Variants in CDH11 observed in about 807,000 individuals in gnomAD.
CDH11 encodes the protein cadherin 11.
In CDH11, 11 loss-of-function variants were observed where a neutral mutation model predicts 67.8. The observed-to-expected ratio is 0.16, with a 90% CI of 0.10 to 0.27. CDH11 has a LOEUF of 0.27. CDH11 is among the 10% of genes least tolerant of loss of function. The pLI is 1.00. For missense variants in CDH11, 847 were observed against 1,031.2 expected, an observed-to-expected ratio of 0.82 and a Z score of 2.45; for synonymous variants, 419 against 400.0, an observed-to-expected ratio of 1.05 and a Z score of -0.57.
At chr16:64,967,278 C>T (rs1038719629) in intron 11 of CDH11, among the ~76,000 whole-genome samples, 2 of 152,046 alleles carry the variant, frequency 1.3e-5, no homozygotes, top group Non-Finnish European at 2.9e-5. Flanking sequence ...AGTGCAGTGG[C>T]GTGATCTCAG....
chr16:64,945,766 T>C lies in CDH11; in HGVS notation c.*1837A>G. Reference sequence around the variant, plus strand: ...ACTTCATAAAAAACATTTCTTTGTATGCATGTTGACTAAATCATAAAAATA... The same window carrying C: ...ACTTCATAAAAAACATTTCTTTGTACGCATGTTGACTAAATCATAAAAATA... On this transcript the variant is annotated 3_prime_UTR_variant, in exon 13 of 13. Transcript: ENST00000268603. 9.6e-7 allele frequency: 1 copy of C among 1,043,620 alleles called. No individual in the cohort carries two copies. The highest frequency in any genetic ancestry group is 4.6e-5 in the South Asian group (1 of 21,806). The allele number at this position is 1,043,620 out of a possible 1,614,324, so 64.6% of individuals were successfully genotyped here.
chr16:64,947,877 G>A lies in CDH11; in HGVS notation c.2117C>T (p.Pro706Leu). 2 of 1,614,196 alleles carry A rather than the reference G, an allele frequency of 1.2e-6. No homozygotes were observed. Among genetic ancestry groups the A allele is most frequent in the Non-Finnish European group, 1.7e-6 (2 of 1,180,024 alleles). The part of the protein sequence containing the change: ...IKPEYQYMPR[P>L]GLRPAPNSVD... ...GCTGTTGGGCGCTGGCCGGAGCCCA[G>A]GTCTAGGCATGTACTGATACTCAGG... is the stretch of plus-strand genomic sequence containing the variant. The change falls in exon 13 of 13, where the codon CCT (proline) becomes CTT (leucine). Residue 706 changes from proline to leucine, a missense_variant. Pro to Leu is a moderately conservative substitution (Grantham distance 98). Around this residue, in one of 2 missense-constraint regions of CDH11, gnomAD observed 612 missense variants for 678.7 expected, o/e 0.90. Transcript: ENST00000268603.
intron 2 of CDH11, among the ~76,000 whole-genome samples, chr16:65,048,894 C>A (rs4967883): frequency 0.3 from 45,446 of 151,818 alleles, 7,954 homozygotes; most frequent in South Asian, 0.52. Flanking sequence ...GAAATCATAT[C>A]TTTTGCAACA....
At chr16:65,085,403 A>C (rs1218071186) in intron 1 of CDH11, among the ~76,000 whole-genome samples, 1 of 152,216 alleles carries the variant, frequency 6.6e-6, no homozygotes, top group Non-Finnish European at 1.5e-5. Flanking sequence ...GTAAAATGAC[A>C]TCAGTAATTA....
chr16:64,998,337 T>C (rs908720420), intron 4 of CDH11, among the ~76,000 whole-genome samples: 1 of 152,228 alleles, frequency 6.6e-6, no homozygotes, highest in African/African-American at 2.4e-5. Flanking sequence ...CTATTAGACA[T>C]CAATACGCAC....
At chr16:65,016,228 T>A (rs753087640) in intron 2 of CDH11, among the ~76,000 whole-genome samples, 1 of 151,976 alleles carries the variant, frequency 6.6e-6, no homozygotes, top group Non-Finnish European at 1.5e-5. Flanking sequence ...AACAATAGCC[T>A]CATAATGATC....
At chr16:65,078,725 A>G (rs558121227) in intron 1 of CDH11, among the ~76,000 whole-genome samples, 173 of 152,242 alleles carry the variant, frequency 1.1e-3, no homozygotes, top group Non-Finnish European at 1.6e-3. Flanking sequence ...CAGGTAAGCA[A>G]TAGAGATTCC....
intron 1 of CDH11, among the ~76,000 whole-genome samples, chr16:65,103,053 C>T (rs2075018537): frequency 1.3e-5 from 2 of 152,200 alleles, no homozygotes. Context: ...TACACATGCA[C>T]ATTCATGCAG....
chr16:64,971,271 G>A (rs1411773028), intron 11 of CDH11, among the ~76,000 whole-genome samples: 3 of 151,774 alleles, frequency 2.0e-5, no homozygotes, highest in Non-Finnish European at 4.4e-5. Context: ...TTCCCCCAAG[G>A]GTTTATCAAC....
intron 1 of CDH11, among the ~76,000 whole-genome samples, chr16:65,099,868 A>G (rs1248858375): frequency 6.6e-6 from 1 of 152,182 alleles, no homozygotes; most frequent in African/African-American, 2.4e-5. Context: ...TGAACTCTTC[A>G]TGCAGTTCAC....
intron 4 of CDH11, among the ~76,000 whole-genome samples, chr16:64,998,050 A>C (rs952405057): frequency 6.6e-6 from 1 of 152,208 alleles, no homozygotes; most frequent in Admixed American, 6.5e-5. Flanking sequence ...TTAGCAACTT[A>C]ATGTGTCTTC....
chr16:64,947,944 G>T lies in CDH11; in HGVS notation c.2050C>A (p.Pro684Thr). 6.2e-7 allele frequency: 1 copy of T among 1,614,148 alleles called. No individual in the cohort carries two copies. The highest frequency in any genetic ancestry group is 8.5e-7 in the Non-Finnish European group (1 of 1,180,012). The change falls in exon 13 of 13, where the codon CCT becomes ACT. Residue 684 changes from proline to threonine, a missense_variant. Coordinates refer to ENST00000268603, the MANE Select transcript of CDH11 (RefSeq NM_001797.4). ...GGGATAAATCCATTGATACCATCAG[G>T]ATTCTGGAGGGTGGCAATATCAAAG... is the stretch of plus-strand genomic sequence containing the variant. The part of the protein sequence containing the change: ...EAFDIATLQN[P>T]DGINGFIPRK...
chr16:65,032,775 C>A (rs1047595755), intron 2 of CDH11, among the ~76,000 whole-genome samples: 4 of 152,180 alleles, frequency 2.6e-5, no homozygotes, highest in African/African-American at 9.7e-5. Context: ...GTTATCTTCC[C>A]ATTCAGTTGC....
Position 65,038,901 on chromosome 16 carries a change from G to T in CDH11, c.-173+14903C>A, listed in dbSNP as rs117614869. Among the ~76,000 whole-genome samples the T allele has an allele frequency of 4.2e-3, 644 of 152,348 alleles. 4 individuals are homozygous for T. The highest frequency in any genetic ancestry group is 6.9e-3 in the Non-Finnish European group (468 of 68,028). On this transcript the variant is annotated intron_variant, in intron 2 of 12. Transcript: ENST00000268603. ...TCACAGGGATGCTCTAAGAACAGGT[G>T]AGAGAAAAGAAGTGAGGACATTTAA...
rs552115399 is a variant in CDH11 at position 65,011,612 on chromosome 16, A to G, written c.-172-6571T>C. On this transcript the variant is annotated intron_variant, in intron 2 of 12. Transcript: ENST00000268603. ...CAATGTGTGCAATGAAGAACTTATT[A>G]TTTGTACTCTATTCTGTCCTTAAGA... Among the ~76,000 whole-genome samples, 5 of 152,256 alleles carry G rather than the reference A, an allele frequency of 3.3e-5. No homozygotes were observed. The South Asian group carries it at 1.0e-3, about 32-fold the overall frequency.
At chr16:65,036,957 C>T (rs1597119009) in intron 2 of CDH11, among the ~76,000 whole-genome samples, 1 of 152,140 alleles carries the variant, frequency 6.6e-6, no homozygotes, top group Non-Finnish European at 1.5e-5. Context: ...ATGTTTCATG[C>T]AAGAACTTTC....
chr16:65,021,854 G>T (rs562863078), intron 2 of CDH11, among the ~76,000 whole-genome samples: 1 of 91,122 alleles, frequency 1.1e-5, no homozygotes, highest in South Asian at 3.5e-4. Flanking sequence ...ACAAGATCTA[G>T]AATCACCCCT....
At chr16:65,042,689 C>T (rs2073886332) in intron 2 of CDH11, among the ~76,000 whole-genome samples, 1 of 152,182 alleles carries the variant, frequency 6.6e-6, no homozygotes, top group Non-Finnish European at 1.5e-5. Flanking sequence ...CTTCACTCCT[C>T]CCTTGGACCT....
intron 11 of CDH11, among the ~76,000 whole-genome samples, chr16:64,964,784 G>A (rs1231839103): frequency 6.6e-6 from 1 of 151,940 alleles, no homozygotes; most frequent in East Asian, 1.9e-4. Context: ...TCCTGACCTC[G>A]TGATCCACCC....
Sources: allele counts gnomAD v4.1 joint callset (sites outside exome capture counted in the v4.1 genomes callset), GRCh38; gene constraint gnomAD v4.1.1; regional missense constraint gnomAD v4.1.1; transcripts MANE v1.5; gene names NCBI Gene and HGNC (gene_info 2026-07-23, HGNC 2026-07-21).